The following RAB6A variants were observed in gnomAD, a reference collection of about 807,000 sequenced individuals.
RAB6A encodes the protein RAB6A, member RAS oncogene family, also known as ras-related protein Rab-6A.
In RAB6A, 8 loss-of-function variants were observed where a neutral mutation model predicts 32.3. That is an observed-to-expected ratio of 0.25 (90% CI 0.15 to 0.45). The LOEUF (loss-of-function observed/expected upper bound fraction) is 0.45, where lower values mean the gene tolerates loss of function less well. Among genes scored for constraint, RAB6A ranks in the 20% least tolerant of loss-of-function variants. The probability of loss-of-function intolerance (pLI) is 1.00; values close to 1 mark genes in which losing one functional copy is unlikely to be tolerated. For synonymous variants in RAB6A, 73 were observed against 82.1 expected (o/e 0.89, Z 0.60); for missense variants, 104 against 249.4 (o/e 0.42, Z 3.93).
At position 73,760,930 on chromosome 11, in the gene RAB6A, T is replaced by A. The variant is rs1946835864; in HGVS notation, c.-295A>T. ...TCTGGCTTCCCAAAGCTAGGGCCGT[T>A]CCCTCCTTCCGCACTCGGCTCCCAG... On this transcript the variant is annotated 5_prime_UTR_variant, in exon 1 of 8. Transcript: ENST00000336083. 3 of 348,772 alleles carry A rather than the reference T, an allele frequency of 8.6e-6. No homozygotes were observed. The highest frequency in any genetic ancestry group is 1.6e-5 in the Non-Finnish European group (3 of 183,366). 21.6% of individuals were successfully genotyped at this position (348,772 alleles called of 1,614,324 possible).
intron 3 of RAB6A, among the ~76,000 whole-genome samples, chr11:73,719,460 G>A (rs4944861): frequency 2.0e-5 from 3 of 151,592 alleles, no homozygotes; most frequent in South Asian, 2.1e-4. Flanking sequence ...GCATGCACGC[G>A]TGTGTGTGTA....
chr11:73,730,865 A>G lies in RAB6A; in HGVS notation c.71-42T>C, dbSNP rs187250066. ...AAAAGATTTGCTCAGTGAACACATT[A>G]CATTGGGTTCTCAGAAAATTTTTCT... On this transcript the variant is annotated intron_variant, in intron 1 of 7. Transcript: ENST00000336083. 2.7e-4 allele frequency: 409 copies of G among 1,504,442 alleles called. 4 individuals are homozygous for G. The Admixed American group carries it at 4.9e-3, about 18-fold the overall frequency. The allele number at this position is 1,504,442 out of a possible 1,614,324, so 93.2% of individuals were successfully genotyped here.
In RAB6A at chr11:73,760,612, CCCG is replaced by C; in HGVS notation, c.21_23del (p.Phe7_Gly8delinsLeu). 1.2e-6 allele frequency: 2 copies of C among 1,611,248 alleles called. No homozygotes were observed. The highest frequency in any genetic ancestry group is 2.2e-5 in the South Asian group (2 of 90,508). On this transcript the variant is annotated inframe_deletion, in exon 1 of 8. Coordinates refer to ENST00000336083, the MANE Select transcript of RAB6A (RefSeq NM_198896.2). ...CCAGCTTGAATTTCCTCAGCGGATT[CCCG>C]AAGTCTCCGCCCGTGGACATTGTGG...
At chr11:73,731,706 AT>A (rs1555064995) in intron 1 of RAB6A, among the ~76,000 whole-genome samples, 3 of 14,128 alleles carry the variant, frequency 2.1e-4, no homozygotes, top group African/African-American at 6.3e-4. Context: ...ATATATATAT[AT>A]ATATATATAT....
chr11:73,739,284 A>ACATATATAT (rs1555066942), intron 1 of RAB6A, among the ~76,000 whole-genome samples: 6 of 6,760 alleles, frequency 8.9e-4, no homozygotes, highest in African/African-American at 2.0e-3. Flanking sequence ...AAAAAAAAAA[A>ACATATATAT]ATATATATAT....
rs562782429 is a variant in RAB6A at position 73,748,393 on chromosome 11, C to T, written c.70+12173G>A. 3.3e-5 allele frequency among the ~76,000 whole-genome samples: 5 copies of T among 152,270 alleles called. No homozygotes were observed. In the East Asian group the frequency reaches 9.6e-4, roughly 29 times the overall value. On this transcript the variant is annotated intron_variant, in intron 1 of 7. Transcript: ENST00000336083. ...TTGAGCAGCCATAGCAAAATAGTTA[C>T]AATACGACGTGTGGAGTTTGCTTTA...
At chr11:73,716,634 GA>G (rs111584036) in intron 4 of RAB6A, among the ~76,000 whole-genome samples, 9,227 of 148,692 alleles carry the variant, frequency 0.062, 377 homozygotes, top group East Asian at 0.17. Context: ...GTATTTAATT[GA>G]AAAAAAAACA....
intron 1 of RAB6A, among the ~76,000 whole-genome samples, chr11:73,741,801 A>T (rs1171668421): frequency 1.3e-5 from 2 of 152,234 alleles, no homozygotes; most frequent in African/African-American, 4.8e-5. Context: ...GGAAAAGACA[A>T]AAAGAAATAA....
At chr11:73,730,594 T>C (rs1946287815) in intron 2 of RAB6A, 171 bp downstream of exon 2, 8 of 546,626 alleles carry the variant, frequency 1.5e-5, no homozygotes, top group Non-Finnish European at 1.9e-5. Context: ...ATGATAAAAG[T>C]TTATCCTAGG....
chr11:73,740,619 C>T (rs1220628836), intron 1 of RAB6A, among the ~76,000 whole-genome samples: 4 of 151,138 alleles, frequency 2.6e-5, no homozygotes, highest in Admixed American at 6.6e-5. Flanking sequence ...CCAGGAGCAG[C>T]GGCTCACGCC....
chr11:73,691,837 G>A (rs1487293550), intron 6 of RAB6A, among the ~76,000 whole-genome samples: 1 of 152,142 alleles, frequency 6.6e-6, no homozygotes, highest in Admixed American at 6.5e-5. Context: ...GCTGGGCATG[G>A]TGGCTTGCGC....
intron 1 of RAB6A, chr11:73,760,031 C>T (rs762957897): frequency 2.3e-6 from 3 of 1,288,990 alleles, no homozygotes; most frequent in South Asian, 1.2e-5. Flanking sequence ...ATTTTTTCTA[C>T]TACCACCCCT....
chr11:73,754,306 G>T (rs1946712456), intron 1 of RAB6A, among the ~76,000 whole-genome samples: 1 of 152,226 alleles, frequency 6.6e-6, no homozygotes, highest in Non-Finnish European at 1.5e-5. Flanking sequence ...TAACCCAGCA[G>T]TTTACAAAGA....
chr11:73,686,815 A>C (rs1214201603), intron 6 of RAB6A, among the ~76,000 whole-genome samples: 1 of 152,106 alleles, frequency 6.6e-6, no homozygotes, highest in Non-Finnish European at 1.5e-5. Flanking sequence ...ATATATACAT[A>C]TACTGCTTCA....
chr11:73,712,938 G>A (rs1177467577), intron 5 of RAB6A, among the ~76,000 whole-genome samples: 4 of 151,712 alleles, frequency 2.6e-5, no homozygotes, highest in African/African-American at 9.7e-5. Flanking sequence ...GGCTGGTCTC[G>A]AACTCCTGGC....
intron 5 of RAB6A, among the ~76,000 whole-genome samples, chr11:73,709,022 T>C (rs1945895736): frequency 6.6e-6 from 1 of 152,216 alleles, no homozygotes; most frequent in African/African-American, 2.4e-5. Context: ...TCTGTGTATA[T>C]AAATTTTCTG....
intron 1 of RAB6A, among the ~76,000 whole-genome samples, chr11:73,746,815 G>C (rs1640974030): frequency 6.6e-6 from 1 of 151,266 alleles, no homozygotes; most frequent in African/African-American, 2.4e-5. Context: ...CTACTGGGTT[G>C]AAATCCCAGC....
At chr11:73,699,848 G>C (rs2134902537) in intron 6 of RAB6A, among the ~76,000 whole-genome samples, 1 of 152,236 alleles carries the variant, frequency 6.6e-6, no homozygotes, top group East Asian at 1.9e-4. Context: ...GGTAGACATG[G>C]GAGATATAGT....
intron 1 of RAB6A, among the ~76,000 whole-genome samples, chr11:73,750,015 C>A (rs1946650449): frequency 6.6e-6 from 1 of 152,110 alleles, no homozygotes; most frequent in Non-Finnish European, 1.5e-5. Flanking sequence ...ATTTTTAACA[C>A]AAATTTTAAA....
Sources: gnomAD v4.1 joint callset for allele counts (sites outside exome capture counted in the v4.1 genomes callset) on GRCh38, gnomAD v4.1.1 for gene constraint, MANE v1.5 for transcripts, NCBI Gene and HGNC (gene_info 2026-07-23, HGNC 2026-07-21) for gene names.